Variants in CNNM2 observed in about 807,000 individuals in gnomAD.
CNNM2 encodes metal transporter CNNM2.
Under a neutral mutation model 66.9 loss-of-function variants are expected in CNNM2, and 12 were observed. That is an observed-to-expected ratio of 0.18 (90% CI 0.11 to 0.29). The LOEUF is 0.29. CNNM2 is among the 10% of genes least tolerant of loss of function. CNNM2 has a pLI of 1.00. For missense variants in CNNM2, 705 were observed against 1,167.7 expected (o/e 0.60, Z 5.77); for synonymous variants, 557 against 501.8 (o/e 1.11, Z -1.47).
chr10:103,001,989 T>G (rs1234216413), intron 1 of CNNM2, among the ~76,000 whole-genome samples: 1 of 152,026 alleles, frequency 6.6e-6, no homozygotes, highest in African/African-American at 2.4e-5. Flanking sequence ...AGAGCAAGAC[T>G]TTCTCCCAAA....
intron 1 of CNNM2, among the ~76,000 whole-genome samples, chr10:103,006,859 C>G (rs1184541020): frequency 1.3e-5 from 2 of 152,098 alleles, no homozygotes; most frequent in African/African-American, 4.8e-5. Flanking sequence ...TCTGAAATTC[C>G]TGGCCTCAAG....
Position 103,088,974 on chromosome 10 carries a change from T to TA in CNNM2, c.*11796dup, listed in dbSNP as rs1391667294. ...ATTCTTTCTATAGATTTATCACAGA[T>TA]AAGAAGGAGGTTGTTTTTGGATAAC... is the stretch of plus-strand genomic sequence containing the variant. On this transcript the variant is annotated 3_prime_UTR_variant, in exon 8 of 8. Transcript: ENST00000369878. 2 of 208,978 alleles carry TA rather than the reference T, an allele frequency of 9.6e-6. No individual in the cohort carries two copies. Among genetic ancestry groups the TA allele is most frequent in the Non-Finnish European group, 1.9e-5 (2 of 102,714 alleles). The allele number at this position is 208,978 out of a possible 1,614,324, so 12.9% of individuals were successfully genotyped here. A position where few individuals can be genotyped will look rare whatever the true frequency, so the allele number is the denominator to read the frequency against.
At position 103,089,949 on chromosome 10, in the gene CNNM2, CA is replaced by C; in HGVS notation, c.*12772del. The C allele has an allele frequency of 6.6e-7, 1 of 1,522,980 alleles. No homozygotes were observed. Among genetic ancestry groups the C allele is most frequent in the Non-Finnish European group, 8.9e-7 (1 of 1,129,098 alleles). 94.3% of individuals were successfully genotyped at this position (1,522,980 alleles called of 1,614,324 possible). A position where few individuals can be genotyped will look rare whatever the true frequency, so the allele number is the denominator to read the frequency against. On this transcript the variant is annotated 3_prime_UTR_variant, in exon 8 of 8. Transcript: ENST00000369878. Reference sequence around the variant, plus strand: ...CTAGAGGCTCAGAAAGCAGGCAGAGCAAAGTAGCTACTCCCCAAATCCTAAC... The same window carrying C: ...CTAGAGGCTCAGAAAGCAGGCAGAGCAAGTAGCTACTCCCCAAATCCTAAC...
At chr10:102,991,897 T>C (rs1260927463) in intron 1 of CNNM2, among the ~76,000 whole-genome samples, 6 of 152,172 alleles carry the variant, frequency 3.9e-5, no homozygotes, top group African/African-American at 1.4e-4. Context: ...TAGTAAACAT[T>C]TTATTTTTTT....
chr10:102,955,427 GA>G (rs1470851205), intron 1 of CNNM2, among the ~76,000 whole-genome samples: 2 of 152,156 alleles, frequency 1.3e-5, no homozygotes, highest in African/African-American at 2.4e-5. Flanking sequence ...AACCCTAGAA[GA>G]AAACCTACGC....
intron 1 of CNNM2, among the ~76,000 whole-genome samples, chr10:102,920,368 A>C (rs1446845618): frequency 6.7e-6 from 1 of 150,260 alleles, no homozygotes. Flanking sequence ...TGTGCATGAC[A>C]CTTATTTATT....
chr10:102,949,570 G>T (rs1157957336), intron 1 of CNNM2, among the ~76,000 whole-genome samples: 1 of 151,920 alleles, frequency 6.6e-6, no homozygotes, highest in African/African-American at 2.4e-5. Context: ...GATCACTTGA[G>T]GTCAGAAGTT....
At chr10:103,049,879 C>A in intron 2 of CNNM2, 29 bp downstream of exon 2, 1 of 1,604,956 alleles carries the variant, frequency 6.2e-7, no homozygotes, top group South Asian at 1.1e-5. Flanking sequence ...GTGTATTTCC[C>A]GAAACCTTTG....
In CNNM2 at chr10:103,076,211, C is replaced by G; in HGVS notation, c.2359C>G (p.Leu787Val). 1 of 1,587,060 alleles carries G rather than the reference C, an allele frequency of 6.3e-7. No homozygotes were observed. Among genetic ancestry groups the G allele is most frequent in the Non-Finnish European group, 8.6e-7 (1 of 1,166,532 alleles). ...CAATAACCAGCTCAATTCTTCGCTC[C>G]TCCAAGTCTACATCCCCGATTACTC... is the stretch of plus-strand genomic sequence containing the variant. ...SSNNQLNSSL[L>V]QVYIPDYSVR... Residue 787 changes from leucine (L) to valine (V), a missense_variant, in exon 7 of 8, where the codon CTC (leucine) becomes GTC (valine). This residue lies in a region of CNNM2 where 194 missense variants were observed against 227.6 expected (regional missense o/e 0.85). Coordinates refer to ENST00000369878, the MANE Select transcript of CNNM2 (RefSeq NM_017649.5).
chr10:102,935,391 G>A (rs1468371238), intron 1 of CNNM2, among the ~76,000 whole-genome samples: 2 of 151,850 alleles, frequency 1.3e-5, no homozygotes, highest in African/African-American at 2.4e-5. Flanking sequence ...GAGCCAGGAG[G>A]TCAAGGCTAC....
chr10:102,958,849 C>T (rs1847149058), intron 1 of CNNM2, among the ~76,000 whole-genome samples: 1 of 152,040 alleles, frequency 6.6e-6, no homozygotes, highest in South Asian at 2.1e-4. Flanking sequence ...AAAAAACCCT[C>T]TTTTAAATGA....
chr10:102,962,639 T>A (rs575225826), intron 1 of CNNM2, among the ~76,000 whole-genome samples: 98 of 152,052 alleles, frequency 6.4e-4, no homozygotes, highest in African/African-American at 2.1e-3. Flanking sequence ...TATTAAATAA[T>A]GCTTTCAAAG....
chr10:102,975,482 A>AC (rs974096437), intron 1 of CNNM2, among the ~76,000 whole-genome samples: 3 of 151,426 alleles, frequency 2.0e-5, no homozygotes, highest in Non-Finnish European at 4.4e-5. Context: ...AAAAAAAAAA[A>AC]AAAAAACAAA....
chr10:103,006,907 A>C (rs1207713026), intron 1 of CNNM2, among the ~76,000 whole-genome samples: 1 of 152,124 alleles, frequency 6.6e-6, no homozygotes, highest in Non-Finnish European at 1.5e-5. Context: ...ACTGGTATTA[A>C]AGGTGTGAGC....
chr10:102,978,372 G>T (rs1307356024), intron 1 of CNNM2, among the ~76,000 whole-genome samples: 1 of 151,696 alleles, frequency 6.6e-6, no homozygotes, highest in Admixed American at 6.6e-5. Context: ...CAGTTGTCAG[G>T]GTAAAATCTG....
chr10:103,073,764 A>T (rs2065638752), intron 6 of CNNM2, among the ~76,000 whole-genome samples: 1 of 146,054 alleles, frequency 6.8e-6, no homozygotes, highest in African/African-American at 2.5e-5. Flanking sequence ...CGGGAGGCTG[A>T]GGCAGGAGAA....
intron 1 of CNNM2, among the ~76,000 whole-genome samples, chr10:102,994,878 C>G (rs570041886): frequency 6.6e-6 from 1 of 152,308 alleles, no homozygotes; most frequent in East Asian, 1.9e-4. Context: ...ATTGGTGGAA[C>G]CTAATTACAT....
chr10:102,928,934 C>A (rs556838612), intron 1 of CNNM2, among the ~76,000 whole-genome samples: 2 of 152,242 alleles, frequency 1.3e-5, no homozygotes, highest in African/African-American at 2.4e-5. Flanking sequence ...TAGCGTGTGT[C>A]CTTATAATTA....
At chr10:102,986,892 A>T (rs3902934) in intron 1 of CNNM2, among the ~76,000 whole-genome samples, 4 of 151,844 alleles carry the variant, frequency 2.6e-5, no homozygotes, top group African/African-American at 9.7e-5. Context: ...AAGTGTTGAC[A>T]TATGGGTAGG....
Sources: allele counts gnomAD v4.1 joint callset (sites outside exome capture counted in the v4.1 genomes callset), GRCh38; gene constraint gnomAD v4.1.1; regional missense constraint gnomAD v4.1.1; transcripts MANE v1.5; gene names NCBI Gene and HGNC (gene_info 2026-07-23, HGNC 2026-07-21).